SHISA9: variants seen among roughly 807,000 people sequenced by gnomAD.
SHISA9 encodes shisa family member 9.
Under a neutral mutation model 38.0 loss-of-function variants are expected in SHISA9, and 13 were observed. The ratio of observed to expected loss-of-function variants is 0.34; its 90% CI spans 0.22 to 0.54. The LOEUF (loss-of-function observed/expected upper bound fraction) is 0.54. SHISA9 is among the 20% of genes least tolerant of loss of function. The pLI is 0.91. For synonymous variants in SHISA9, 275 were observed against 242.0 expected (o/e 1.14, Z -1.27); for missense variants, 538 against 575.8 (o/e 0.93, Z 0.67).
At chr16:13,040,743 T>C (rs2141887724) in intron 2 of SHISA9, among the ~76,000 whole-genome samples, 1 of 152,366 alleles carries the variant, frequency 6.6e-6, no homozygotes, top group African/African-American at 2.4e-5. Flanking sequence ...AAGCTTCTTT[T>C]CTTTCTTCCT....
intron 2 of SHISA9, among the ~76,000 whole-genome samples, chr16:13,093,956 C>A (rs746851491): frequency 6.6e-6 from 1 of 152,124 alleles, no homozygotes; most frequent in Admixed American, 6.6e-5. Context: ...CCTTGTCTGC[C>A]TTTCCCACCA....
intron 2 of SHISA9, among the ~76,000 whole-genome samples, chr16:13,098,711 C>T (rs900052329): frequency 1.3e-5 from 2 of 152,236 alleles, no homozygotes; most frequent in Admixed American, 1.3e-4. Flanking sequence ...CTCCCATCCA[C>T]TCTGTGCATG....
At chr16:13,191,874 C>CA (rs1228772718) in intron 2 of SHISA9, among the ~76,000 whole-genome samples, 1 of 152,018 alleles carries the variant, frequency 6.6e-6, no homozygotes, top group Admixed American at 6.5e-5. Flanking sequence ...GAATTTTATA[C>CA]AAAAAAGACA....
At chr16:12,958,610 G>A (rs1416827687) in intron 2 of SHISA9, among the ~76,000 whole-genome samples, 5 of 152,230 alleles carry the variant, frequency 3.3e-5, no homozygotes, top group African/African-American at 1.2e-4. Context: ...GGTCTGGGCT[G>A]GCAAGACTGG....
At chr16:13,453,460 A>G in the SHISA9 span, among the ~76,000 whole-genome samples, 1 of 152,162 alleles carries the variant, frequency 6.6e-6, no homozygotes, top group South Asian at 2.1e-4. Flanking sequence ...TTGCCTTCTC[A>G]ATGCAACTGG....
At chr16:13,425,162 G>A in the SHISA9 span, among the ~76,000 whole-genome samples, 1 of 152,196 alleles carries the variant, frequency 6.6e-6, no homozygotes, top group Non-Finnish European at 1.5e-5. Flanking sequence ...TGGTATACAT[G>A]GGCATAAAGA....
At chr16:13,123,734 G>C (rs2050233510) in intron 2 of SHISA9, among the ~76,000 whole-genome samples, 1 of 152,194 alleles carries the variant, frequency 6.6e-6, no homozygotes, top group African/African-American at 2.4e-5. Flanking sequence ...GAGGCTTAAA[G>C]AAGAATCCAG....
At chr16:13,300,251 C>T in the SHISA9 span, among the ~76,000 whole-genome samples, 3 of 152,270 alleles carry the variant, frequency 2.0e-5, no homozygotes, top group East Asian at 1.9e-4. Context: ...CAATCCGCCC[C>T]CACATTCCAT....
chr16:13,126,809 A>AAAGG (rs2050261805), intron 2 of SHISA9, among the ~76,000 whole-genome samples: 1 of 132,178 alleles, frequency 7.6e-6, no homozygotes. Flanking sequence ...GAGGAGAGAG[A>AAAGG]GAGAGAGAGC....
intron 2 of SHISA9, among the ~76,000 whole-genome samples, chr16:13,121,215 A>T (rs143168972): frequency 6.6e-6 from 1 of 152,148 alleles, no homozygotes; most frequent in Non-Finnish European, 1.5e-5. Context: ...TGGGCTGGGC[A>T]TGGTGGCTCA....
At chr16:13,415,238 C>T in the SHISA9 span, among the ~76,000 whole-genome samples, 3,407 of 152,214 alleles carry the variant, frequency 0.022, 133 homozygotes, top group African/African-American at 0.077. Flanking sequence ...ACATATACAC[C>T]GTGGAATACT....
At chr16:13,550,434 C>G in the SHISA9 span, among the ~76,000 whole-genome samples, 1 of 152,204 alleles carries the variant, frequency 6.6e-6, no homozygotes, top group African/African-American at 2.4e-5. Context: ...CTTTCCGGAA[C>G]CAGCAAAATG....
chr16:13,266,464 C>T, the SHISA9 span, among the ~76,000 whole-genome samples: 2 of 152,118 alleles, frequency 1.3e-5, no homozygotes, highest in Non-Finnish European at 2.9e-5. Flanking sequence ...TTTGTTCCCA[C>T]CATGAGGATT....
At chr16:13,005,334 A>G (rs1323327390) in intron 2 of SHISA9, among the ~76,000 whole-genome samples, 1 of 152,160 alleles carries the variant, frequency 6.6e-6, no homozygotes, top group African/African-American at 2.4e-5. Context: ...ATCAGCTGCT[A>G]AGGAAATATA....
At chr16:13,104,608 G>A (rs748480704) in intron 2 of SHISA9, among the ~76,000 whole-genome samples, 5 of 152,132 alleles carry the variant, frequency 3.3e-5, no homozygotes, top group African/African-American at 7.2e-5. Flanking sequence ...GTATAGGCTC[G>A]TGTTGCAGAA....
chr16:13,024,637 A>G (rs1004315258), intron 2 of SHISA9, among the ~76,000 whole-genome samples: 1 of 152,212 alleles, frequency 6.6e-6, no homozygotes, highest in African/African-American at 2.4e-5. Flanking sequence ...CTGGGTTCAA[A>G]TCTTATTTTT....
downstream of SHISA9, among the ~76,000 whole-genome samples, chr16:13,242,560 A>G (rs937556858): frequency 3.9e-5 from 6 of 152,184 alleles, no homozygotes; most frequent in Non-Finnish European, 8.8e-5. Context: ...TGATATTGAA[A>G]AGTTGTGTCC....
At chr16:13,035,575 G>A (rs527437629) in intron 2 of SHISA9, among the ~76,000 whole-genome samples, 2 of 151,400 alleles carry the variant, frequency 1.3e-5, no homozygotes, top group African/African-American at 2.4e-5. Context: ...CTGTCACCCC[G>A]GCTGGAGTGC....
rs193044248 is a variant in SHISA9 at position 12,960,031 on chromosome 16, C to T, written c.691+43216C>T. ...ATATAGTATTTGGAACTACGCATTT[C>T]CTTTGAAGAAATGCCTTATAAATAG... On this transcript the variant is annotated intron_variant, in intron 2 of 4. Coordinates refer to ENST00000558583, the MANE Select transcript of SHISA9 (RefSeq NM_001145204.3). 1.5e-4 allele frequency among the ~76,000 whole-genome samples: 23 copies of T among 152,320 alleles called. No individual in the cohort carries two copies. The East Asian group carries it at 4.4e-3, about 29-fold the overall frequency.
Sources: allele counts gnomAD v4.1 joint callset (sites outside exome capture counted in the v4.1 genomes callset), GRCh38; gene constraint gnomAD v4.1.1; transcripts MANE v1.5; gene names NCBI Gene and HGNC (gene_info 2026-07-23, HGNC 2026-07-21).